MKNK1: variants seen among roughly 807,000 people sequenced by gnomAD.
MKNK1 encodes MAPK interacting serine/threonine kinase 1, also known as MAP kinase-interacting serine/threonine-protein kinase 1.
In MKNK1, 30 loss-of-function variants were observed where a neutral mutation model predicts 49.3. That is an observed-to-expected ratio of 0.61 (90% CI 0.46 to 0.83). MKNK1 has a LOEUF of 0.83. Among genes scored for constraint, MKNK1 ranks in the 40% least tolerant of loss-of-function variants. The pLI, the probability that MKNK1 is intolerant of heterozygous loss-of-function variation, is 0.00. For synonymous variants in MKNK1, 176 were observed against 201.7 expected, an observed-to-expected ratio of 0.87 and a Z score of 1.08; for missense variants, 423 against 524.7, an observed-to-expected ratio of 0.81 and a Z score of 1.89.
chr1:46,585,722 T>C (rs967767796), intron 2 of MKNK1, among the ~76,000 whole-genome samples: 11 of 152,276 alleles, frequency 7.2e-5, no homozygotes, highest in African/African-American at 2.4e-4. Context: ...GGCACACGAC[T>C]CTAATGAGAA....
intron 1 of MKNK1, among the ~76,000 whole-genome samples, chr1:46,595,771 C>T (rs747218748): frequency 1.7e-4 from 26 of 152,148 alleles, no homozygotes; most frequent in East Asian, 3.9e-4. Context: ...CACCATCCAA[C>T]GACAGGATCT....
At chr1:46,571,985 C>G (rs887808877) in intron 7 of MKNK1, 78 bp downstream of exon 7, 2 of 1,343,124 alleles carry the variant, frequency 1.5e-6, no homozygotes, top group African/African-American at 2.9e-5. Context: ...CACCAGCCCT[C>G]TGCCTGGCCT....
chr1:46,599,479 T>C (rs1674469248), intron 1 of MKNK1, among the ~76,000 whole-genome samples: 1 of 152,222 alleles, frequency 6.6e-6, no homozygotes, highest in East Asian at 1.9e-4. Context: ...TATGGCACTG[T>C]GGGTGCTGCC....
intron 2 of MKNK1, 82 bp from the exon 3 acceptor site, chr1:46,583,411 A>G: frequency 9.5e-7 from 1 of 1,048,626 alleles, no homozygotes; most frequent in East Asian, 2.4e-5. Flanking sequence ...AAAAAAAGGT[A>G]GTGGGGGAGG....
At chr1:46,603,745 C>T (rs1050738144) in intron 1 of MKNK1, among the ~76,000 whole-genome samples, 8 of 152,246 alleles carry the variant, frequency 5.3e-5, no homozygotes, top group Admixed American at 4.6e-4. Flanking sequence ...CTCTTATTAC[C>T]TTTCCCTGTG....
At position 46,589,994 on chromosome 1, in the gene MKNK1, C is replaced by A. The variant is rs748990503; in HGVS notation, c.-3+4119G>T. Among the ~76,000 whole-genome samples the A allele has an allele frequency of 6.6e-6, 1 of 151,366 alleles. No homozygotes were observed. Among genetic ancestry groups the A allele is most frequent in the Non-Finnish European group, 1.5e-5 (1 of 67,966 alleles). ...CTCAGCTCTGCAAACTTAGCTCACACTCCTCTCCCAACCACTTCAGAATTC... is the reference window on the plus strand; with the variant it reads ...CTCAGCTCTGCAAACTTAGCTCACAATCCTCTCCCAACCACTTCAGAATTC... On this transcript the variant is annotated intron_variant, in intron 2 of 12. Transcript: ENST00000371945. This position sits in a 1 kb window ranked among gnomAD's most constrained non-coding sequence, Gnocchi z 4.3.
At chr1:46,584,153 A>G (rs1672159670) in intron 2 of MKNK1, among the ~76,000 whole-genome samples, 1 of 152,254 alleles carries the variant, frequency 6.6e-6, no homozygotes, top group South Asian at 2.1e-4. Flanking sequence ...TGGAAAGAAT[A>G]AGCAGGACAC....
intron 5 of MKNK1, 131 bp from the exon 6 acceptor site, chr1:46,575,151 A>G: frequency 1.6e-6 from 1 of 615,914 alleles, no homozygotes; most frequent in South Asian, 2.1e-5. Context: ...TTGAAATCAG[A>G]ATGCTTATTA....
chr1:46,599,055 C>T (rs181202135), intron 1 of MKNK1, among the ~76,000 whole-genome samples: 151 of 152,172 alleles, frequency 9.9e-4, no homozygotes, highest in African/African-American at 3.1e-3. Context: ...AGTAGGCACC[C>T]AATAACTAGT....
At position 46,589,020 on chromosome 1, in the gene MKNK1, G is replaced by A. The variant is rs547990405; in HGVS notation, c.-3+5093C>T. Among the ~76,000 whole-genome samples the A allele has an allele frequency of 2.0e-5, 3 of 152,268 alleles. No individual in the cohort carries two copies. In the East Asian group the frequency reaches 5.8e-4, roughly 29 times the overall value. On this transcript the variant is annotated intron_variant, in intron 2 of 12. Coordinates refer to ENST00000371945, the MANE Select transcript of MKNK1 (RefSeq NM_001135553.4). This position sits in a 1 kb window ranked among gnomAD's most constrained non-coding sequence, Gnocchi z 4.3. ...GCCCATGCCACAAGGCTGCTGTGAG[G>A]ATCAAATAAGAGACTAGAAGTGAAA...
Position 46,583,300 on chromosome 1 carries a change from C to T in MKNK1, c.28G>A (p.Ala10Thr), listed in dbSNP as rs761409516. 13 of 1,613,426 alleles carry T rather than the reference C, an allele frequency of 8.1e-6. No individual in the cohort carries two copies. The highest frequency in any genetic ancestry group is 3.3e-5 in the Admixed American group (2 of 59,934). MGSSEPLPIADGDRRRKKKR... is the reference protein window; with the variant it reads MGSSEPLPITDGDRRRKKKR... Reference sequence around the variant, plus strand: ...TTCTTCCTCCTCCTGTCACCATCTGCGATGGGAAGGGGTTCGCTACTGCCC... The same window carrying T: ...TTCTTCCTCCTCCTGTCACCATCTGTGATGGGAAGGGGTTCGCTACTGCCC... The change falls in exon 3 of 13, where the codon GCA (alanine) becomes ACA (threonine). Residue 10 changes from alanine to threonine, a missense_variant. By Grantham distance (58) the Ala-to-Thr change is moderately conservative. Coordinates refer to ENST00000371945, the MANE Select transcript of MKNK1 (RefSeq NM_001135553.4).
In MKNK1 at chr1:46,558,622, C is replaced by T. The variant is rs747974763; in HGVS notation, c.1192G>A (p.Ala398Thr). 2 of 1,613,758 alleles carry T rather than the reference C, an allele frequency of 1.2e-6. No individual in the cohort carries two copies. Among genetic ancestry groups the T allele is most frequent in the Admixed American group, 1.7e-5 (1 of 59,984 alleles). The change falls in exon 13 of 13, where the codon GCC (alanine) becomes ACC (threonine). Residue 398 changes from alanine to threonine, a missense_variant. Ala to Thr is a moderately conservative substitution (Grantham distance 58, BLOSUM62 0). Transcript: ENST00000371945. ...KSRLARRRAL[A>T]QAGRGEDRSP... ...CTGTCTTCACCACGGCCTGCCTGGG[C>T]CAGGGCCCGTCTCCGGGCCAGGCGT...
chr1:46,568,652 C>T, intron 7 of MKNK1, 154 bp from the exon 8 acceptor site: 1 of 708,116 alleles, frequency 1.4e-6, no homozygotes, highest in Non-Finnish European at 2.4e-6. Context: ...GCAGAAGTAA[C>T]CAGCGACACA....
intron 8 of MKNK1, among the ~76,000 whole-genome samples, chr1:46,567,357 C>T (rs1669245502): frequency 6.6e-6 from 1 of 152,136 alleles, no homozygotes; most frequent in Non-Finnish European, 1.5e-5. Context: ...ATACATGTTT[C>T]CTAACTTGAG....
Position 46,558,097 on chromosome 1 carries a change from C to T in MKNK1, c.*478G>A, listed in dbSNP as rs1423256114. 3 of 156,336 alleles carry T rather than the reference C, an allele frequency of 1.9e-5. No homozygotes were observed. Among genetic ancestry groups the T allele is most frequent in the Admixed American group, 6.3e-5 (1 of 15,798 alleles). 9.7% of individuals were successfully genotyped at this position (156,336 alleles called of 1,614,324 possible). ...GGCTTTGCTCAGCCAAGGGAGAAGA[C>T]GGGCAAAGAGGACATCCGGAGGACA... On this transcript the variant is annotated 3_prime_UTR_variant, in exon 13 of 13. Coordinates refer to ENST00000371945, the MANE Select transcript of MKNK1 (RefSeq NM_001135553.4).
At chr1:46,575,319 A>C (rs1277290857) in intron 5 of MKNK1, 5 of 259,378 alleles carry the variant, frequency 1.9e-5, no homozygotes, top group Non-Finnish European at 3.7e-5. Context: ...CGGTCACATT[A>C]AACTGAATAA....
intron 7 of MKNK1, 121 bp from the exon 8 acceptor site, chr1:46,568,619 A>G (rs1199958388): frequency 1.1e-5 from 11 of 963,604 alleles, no homozygotes; most frequent in East Asian, 1.0e-4. Context: ...ATGGTACATT[A>G]AAAAATCAAC....
Position 46,592,522 on chromosome 1 carries a change from C to T in MKNK1, c.-3+1591G>A, listed in dbSNP as rs138156478. The stretch of plus-strand genomic sequence containing the variant: ...TGACTGGAGCTGTGCCTGGGGGCCA[C>T]GGAACTGACTGTGATGTGAAGAACA... On this transcript the variant is annotated intron_variant, in intron 2 of 12. Coordinates refer to ENST00000371945, the MANE Select transcript of MKNK1 (RefSeq NM_001135553.4). Among the ~76,000 whole-genome samples, 479 of 152,182 alleles carry T rather than the reference C, an allele frequency of 3.1e-3. 1 individual carries two copies. Among genetic ancestry groups the T allele is most frequent in the Non-Finnish European group, 5.9e-3 (399 of 68,018 alleles).
intron 2 of MKNK1, among the ~76,000 whole-genome samples, chr1:46,592,704 T>C (rs1198342080): frequency 6.6e-6 from 1 of 152,142 alleles, no homozygotes; most frequent in African/African-American, 2.4e-5. Flanking sequence ...GAGGCAGAAC[T>C]GGTTCTAGTC....
Sources: allele counts gnomAD v4.1 joint callset (sites outside exome capture counted in the v4.1 genomes callset), GRCh38; gene constraint gnomAD v4.1.1; non-coding constraint Gnocchi (gnomAD v3.1); transcripts MANE v1.5; gene names NCBI Gene and HGNC (gene_info 2026-07-23, HGNC 2026-07-21).